Variants in SLC25A15 observed in about 807,000 individuals in gnomAD.
The protein encoded by SLC25A15 is mitochondrial ornithine transporter 1.
Under a neutral mutation model 32.3 loss-of-function variants are expected in SLC25A15, and 24 were observed. The observed-to-expected ratio is 0.74, with a 90% CI of 0.54 to 1.04. The LOEUF is 1.04. SLC25A15 is among the 50% of genes least tolerant of loss of function. The pLI is 0.00. For missense variants in SLC25A15, 317 were observed against 374.5 expected (o/e 0.85, Z 1.27); for synonymous variants, 132 against 142.1 (o/e 0.93, Z 0.51).
chr13:40,797,227 C>G (rs1229752058), intron 2 of SLC25A15, among the ~76,000 whole-genome samples: 1 of 152,096 alleles, frequency 6.6e-6, no homozygotes, highest in South Asian at 2.1e-4. Flanking sequence ...ATTAGCCTCC[C>G]CCTTCTCCCT....
rs1399636214 is a variant in SLC25A15 at position 40,810,693 on chromosome 13, G to A, written c.*1026G>A. The A allele has an allele frequency of 5.7e-6, 3 of 529,446 alleles. No homozygotes were observed. The highest frequency in any genetic ancestry group is 1.2e-5 in the Non-Finnish European group (3 of 258,568). The allele number at this position is 529,446 out of a possible 1,614,324, so 32.8% of individuals were successfully genotyped here. A position where few individuals can be genotyped will look rare whatever the true frequency, so the allele number is the denominator to read the frequency against. On this transcript the variant is annotated 3_prime_UTR_variant, in exon 7 of 7. Coordinates refer to ENST00000338625, the MANE Select transcript of SLC25A15 (RefSeq NM_014252.4). ...TATATTGCTAGGGGTGGCCCAGAGG[G>A]TCAGGCCTTTGGGAAATAGCATGGC...
chr13:40,790,637 G>C (rs1881445974), intron 1 of SLC25A15, among the ~76,000 whole-genome samples: 1 of 152,186 alleles, frequency 6.6e-6, no homozygotes, highest in South Asian at 2.1e-4. Flanking sequence ...GCCCAGGCTG[G>C]AGTGCAATGG....
chr13:40,805,019 C>T (rs537114452), intron 3 of SLC25A15, 99 bp from the exon 4 acceptor site: 68 of 1,465,546 alleles, frequency 4.6e-5, no homozygotes, highest in African/African-American at 1.9e-4. Flanking sequence ...CCCTCACGCC[C>T]GGCTCCTTAC....
In SLC25A15 at chr13:40,808,443, G is replaced by A. The variant is rs1418476582; in HGVS notation, c.628G>A (p.Val210Ile). 14 of 1,612,696 alleles carry A rather than the reference G, an allele frequency of 8.7e-6. No individual in the cohort carries two copies. Among genetic ancestry groups the A allele is most frequent in the Non-Finnish European group, 1.1e-5 (13 of 1,179,798 alleles). The change falls in exon 6 of 7, where the codon GTA becomes ATA. Residue 210 changes from valine (V) to isoleucine (I), a missense_variant. By Grantham distance (29) the Val-to-Ile change is conservative. Transcript: ENST00000338625. ...SGRSKDELGP[V>I]PLMLSGGVGG... ...GCTATTTTTTTTTTCTCTAGGCCCTGTACCTTTGATGTTAAGTGGTGGAGT... is the reference window on the plus strand; with the variant it reads ...GCTATTTTTTTTTTCTCTAGGCCCTATACCTTTGATGTTAAGTGGTGGAGT...
At chr13:40,789,693 C>T (rs1593286896) in intron 1 of SLC25A15, 30 bp downstream of exon 1, 1 of 151,594 alleles carries the variant, frequency 6.6e-6, no homozygotes, top group African/African-American at 2.4e-5. Flanking sequence ...GCGCCTGCAG[C>T]TGCGGGGAGC....
intron 2 of SLC25A15, among the ~76,000 whole-genome samples, chr13:40,797,318 A>G (rs973817498): frequency 2.6e-5 from 4 of 152,224 alleles, no homozygotes; most frequent in Non-Finnish European, 5.9e-5. Flanking sequence ...AAGATGATCA[A>G]GTTAAAATAT....
At position 40,810,903 on chromosome 13, in the gene SLC25A15, G is replaced by C. The variant is rs1331242207; in HGVS notation, c.*1236G>C. 1.9e-6 allele frequency: 1 copy of C among 532,364 alleles called. No individual in the cohort carries two copies. Among genetic ancestry groups the C allele is most frequent in the African/African-American group, 1.9e-5 (1 of 51,892 alleles). 33.0% of individuals were successfully genotyped at this position (532,364 alleles called of 1,614,324 possible). A position where few individuals can be genotyped will look rare whatever the true frequency, so the allele number is the denominator to read the frequency against. ...ATCCACTTTGGGCCACTCACTGTCT[G>C]CTCTGCCTCCACCAATCAGAAACCC... On this transcript the variant is annotated 3_prime_UTR_variant, in exon 7 of 7. Coordinates refer to ENST00000338625, the MANE Select transcript of SLC25A15 (RefSeq NM_014252.4).
At chr13:40,790,664 C>T (rs1313651163) in intron 1 of SLC25A15, among the ~76,000 whole-genome samples, 3 of 152,232 alleles carry the variant, frequency 2.0e-5, no homozygotes, top group South Asian at 2.1e-4. Flanking sequence ...CTCGGCTCAC[C>T]GCAACCTCCG....
intron 2 of SLC25A15, among the ~76,000 whole-genome samples, chr13:40,795,444 G>C (rs1174836699): frequency 1.3e-5 from 2 of 152,204 alleles, no homozygotes; most frequent in African/African-American, 4.8e-5. Flanking sequence ...CAACAGTATG[G>C]TTGGGAGCCT....
rs536354947 is a variant in SLC25A15, at chr13:40,799,256, C to T, written c.255C>T (p.Tyr85=). 9.2e-5 allele frequency: 148 copies of T among 1,614,178 alleles called. 1 individual carries two copies. Among genetic ancestry groups the T allele is most frequent in the South Asian group, 8.2e-4 (75 of 91,084 alleles). The change falls in exon 3 of 7, where the codon TAC becomes TAT. Residue 85 remains tyrosine, a synonymous_variant. Transcript: ENST00000338625. ...AGAACTCAGTCCTCTTCATGTGCTA[C>T]GGCTTCTGCCAGCAGGTGGTGCGGA... ...IAENSVLFMC[Y]GFCQQVVRKV...
chr13:40,809,816 T>A lies in SLC25A15; in HGVS notation c.*149T>A. On this transcript the variant is annotated 3_prime_UTR_variant, in exon 7 of 7. Coordinates refer to ENST00000338625, the MANE Select transcript of SLC25A15 (RefSeq NM_014252.4). The stretch of plus-strand genomic sequence containing the variant: ...CCCTTCTACCCTACATCTTAAACTT[T>A]ATGGAAGAACCTCTATTTTGCATCA... 1 of 750,828 alleles carries A rather than the reference T, an allele frequency of 1.3e-6. No individual in the cohort carries two copies. Among genetic ancestry groups the A allele is most frequent in the Non-Finnish European group, 2.3e-6 (1 of 442,610 alleles). The allele number at this position is 750,828 out of a possible 1,614,324, so 46.5% of individuals were successfully genotyped here. A position where few individuals can be genotyped will look rare whatever the true frequency, so the allele number is the denominator to read the frequency against.
chr13:40,805,177 GCC>G lies in SLC25A15; in HGVS notation c.377_378del (p.Pro126HisfsTer13). The G allele has an allele frequency of 6.2e-7, 1 of 1,614,194 alleles. No homozygotes were observed. Among genetic ancestry groups the G allele is most frequent in the South Asian group, 1.1e-5 (1 of 91,086 alleles). ...TCTGCCTTTGCTGCACTGGTGCTCT[GCC>G]CCACGGAGCTCGTGAAGTGCCGGCT... On this transcript the variant is annotated frameshift_variant, in exon 4 of 7. Coordinates refer to ENST00000338625, the MANE Select transcript of SLC25A15 (RefSeq NM_014252.4). LOFTEE classifies it high-confidence loss of function.
chr13:40,808,372 C>T (rs937228952), intron 5 of SLC25A15, 66 bp from the exon 6 acceptor site: 2 of 1,370,804 alleles, frequency 1.5e-6, no homozygotes, highest in Admixed American at 3.4e-5. Flanking sequence ...ACTACATTGA[C>T]CTCTGGAAAT....
At position 40,810,844 on chromosome 13, in the gene SLC25A15, C is replaced by T. The variant is rs1381006492; in HGVS notation, c.*1177C>T. The T allele has an allele frequency of 5.6e-6, 3 of 534,664 alleles. No individual in the cohort carries two copies. In the African/African-American group the frequency reaches 5.8e-5, roughly 10 times the overall value. 33.1% of individuals were successfully genotyped at this position (534,664 alleles called of 1,614,324 possible). ...CCCATGTGGCTAGCAACAGCGCTTACCTTTTGTCTCTGGGTCCTGGCCTGG... is the reference window on the plus strand; with the variant it reads ...CCCATGTGGCTAGCAACAGCGCTTATCTTTTGTCTCTGGGTCCTGGCCTGG... On this transcript the variant is annotated 3_prime_UTR_variant, in exon 7 of 7. Transcript: ENST00000338625.
Position 40,809,869 on chromosome 13 carries a change from A to T in SLC25A15, c.*202A>T. ...TCATTTCTGTCCATAATTGTACTGA[A>T]ATAGAAAAGTGACCGCTCTTGCTCT... On this transcript the variant is annotated 3_prime_UTR_variant, in exon 7 of 7. Transcript: ENST00000338625. 1.7e-6 allele frequency: 1 copy of T among 593,990 alleles called. No homozygotes were observed. The highest frequency in any genetic ancestry group is 2.0e-5 in the South Asian group (1 of 51,084). 36.8% of individuals were successfully genotyped at this position (593,990 alleles called of 1,614,324 possible).
chr13:40,810,918 A>G lies in SLC25A15; in HGVS notation c.*1251A>G, dbSNP rs914644422. Reference sequence around the variant, plus strand: ...CTCACTGTCTGCTCTGCCTCCACCAATCAGAAACCCTTCCAAGGAACAGTG... The same window carrying G: ...CTCACTGTCTGCTCTGCCTCCACCAGTCAGAAACCCTTCCAAGGAACAGTG... On this transcript the variant is annotated 3_prime_UTR_variant, in exon 7 of 7. Coordinates refer to ENST00000338625, the MANE Select transcript of SLC25A15 (RefSeq NM_014252.4). 3 of 526,218 alleles carry G rather than the reference A, an allele frequency of 5.7e-6. No individual in the cohort carries two copies. Among genetic ancestry groups the G allele is most frequent in the Non-Finnish European group, 7.8e-6 (2 of 256,942 alleles). 32.6% of individuals were successfully genotyped at this position (526,218 alleles called of 1,614,324 possible).
intron 2 of SLC25A15, among the ~76,000 whole-genome samples, chr13:40,795,285 T>G (rs1421215915): frequency 6.6e-6 from 1 of 152,254 alleles, no homozygotes; most frequent in African/African-American, 2.4e-5. Context: ...AGTCTCAGCT[T>G]TTGACATTTT....
chr13:40,807,345 G>A lies in SLC25A15; in HGVS notation c.504G>A (p.Gly168=), dbSNP rs770229041. The A allele has an allele frequency of 1.2e-6, 2 of 1,614,022 alleles. No homozygotes were observed. The highest frequency in any genetic ancestry group is 1.6e-4 in the Middle Eastern group (1 of 6,062). ...TTCTTAGGAAAGATGGCCCCTTGGG[G>A]TTCTACCATGGACTCTCAAGCACTT... ...KSILRKDGPL[G]FYHGLSSTLL... The change falls in exon 5 of 7, where the codon GGG becomes GGA. Residue 168 remains glycine (G), a synonymous_variant. Transcript: ENST00000338625.
intron 1 of SLC25A15, among the ~76,000 whole-genome samples, chr13:40,792,494 G>A (rs1881545569): frequency 1.3e-5 from 2 of 152,228 alleles, no homozygotes; most frequent in Admixed American, 6.5e-5. Context: ...TGTGTGACAG[G>A]AAGATGCTTG....
Sources: gnomAD v4.1 joint callset for allele counts (sites outside exome capture counted in the v4.1 genomes callset) on GRCh38, gnomAD v4.1.1 for gene constraint, MANE v1.5 for transcripts, NCBI Gene and HGNC (gene_info 2026-07-23, HGNC 2026-07-21) for gene names.